KDM4C: variants seen among roughly 807,000 people sequenced by gnomAD.
KDM4C encodes the protein lysine-specific demethylase 4C.
In KDM4C, 81 loss-of-function variants were observed where a neutral mutation model predicts 129.3. The observed-to-expected ratio is 0.63, with a 90% CI of 0.52 to 0.75. The LOEUF (loss-of-function observed/expected upper bound fraction) is 0.75. Ranked by LOEUF, KDM4C falls within the 30% of genes least tolerant of loss-of-function variation. The pLI, the probability that KDM4C is intolerant of heterozygous loss-of-function variation, is 0.00. For missense variants in KDM4C, 1,457 were observed against 1,304.0 expected (o/e 1.12, Z -1.81); for synonymous variants, 573 against 456.1 (o/e 1.26, Z -3.26).
chr9:6,783,923 C>G (rs1053380759), intron 1 of KDM4C, among the ~76,000 whole-genome samples: 1 of 152,022 alleles, frequency 6.6e-6, no homozygotes, highest in Non-Finnish European at 1.5e-5. Flanking sequence ...CTGTGAGAGG[C>G]TGGGGAGAGA....
chr9:6,890,528 C>T (rs1424063968), intron 7 of KDM4C, among the ~76,000 whole-genome samples: 1 of 152,128 alleles, frequency 6.6e-6, no homozygotes, highest in East Asian at 1.9e-4. Flanking sequence ...TATATCCACT[C>T]TCTTCTCTAG....
At chr9:6,979,787 T>A (rs1201903583) in intron 8 of KDM4C, among the ~76,000 whole-genome samples, 2 of 152,120 alleles carry the variant, frequency 1.3e-5, no homozygotes, top group Non-Finnish European at 2.9e-5. Flanking sequence ...AGACAGGAGA[T>A]GCCGTAAATG....
At chr9:7,135,022 AC>A (rs1320309921) in intron 19 of KDM4C, among the ~76,000 whole-genome samples, 1 of 152,234 alleles carries the variant, frequency 6.6e-6, no homozygotes, top group Non-Finnish European at 1.5e-5. Context: ...TTTTTACATT[AC>A]AGCCTTGGAC....
At chr9:6,919,223 C>CTTTCTTTTTCT in intron 8 of KDM4C, among the ~76,000 whole-genome samples, 1 of 108,914 alleles carries the variant, frequency 9.2e-6, no homozygotes, top group Non-Finnish European at 2.1e-5. Flanking sequence ...TTTCTTTTTC[C>CTTTCTTTTTCT]TTCTTTCTTT....
intron 1 of KDM4C, among the ~76,000 whole-genome samples, chr9:6,723,228 A>G (rs1011561918): frequency 1.1e-4 from 16 of 151,932 alleles, no homozygotes; most frequent in African/African-American, 3.9e-4. Context: ...ACAAAAAGTT[A>G]GCCAGGCGTG....
chr9:6,998,316 A>G (rs1193498718), intron 12 of KDM4C, among the ~76,000 whole-genome samples: 1 of 152,200 alleles, frequency 6.6e-6, no homozygotes, highest in Non-Finnish European at 1.5e-5. Flanking sequence ...AAGAGGTGGA[A>G]TTGGAGATCT....
chr9:7,154,851 C>T (rs117702428), intron 19 of KDM4C, among the ~76,000 whole-genome samples: 4 of 152,210 alleles, frequency 2.6e-5, no homozygotes, highest in East Asian at 1.9e-4. Context: ...AGATTTCAGG[C>T]GAGTTTACAC....
chr9:6,891,734 G>C lies in KDM4C; in HGVS notation c.784-1361G>C, dbSNP rs528773781. On this transcript the variant is annotated intron_variant, in intron 7 of 21. Coordinates refer to ENST00000381309, the MANE Select transcript of KDM4C (RefSeq NM_015061.6). ...ACACTATATGTATATACAGATATTT[G>C]TCCAAAGAAACAAAATACTACAAAT... Among the ~76,000 whole-genome samples the C allele has an allele frequency of 2.0e-5, 3 of 152,096 alleles. No individual in the cohort carries two copies. The East Asian group carries it at 5.8e-4, about 29-fold the overall frequency.
At chr9:7,000,709 GTTACT>G (rs1471359903) in intron 12 of KDM4C, among the ~76,000 whole-genome samples, 2 of 152,026 alleles carry the variant, frequency 1.3e-5, no homozygotes, top group African/African-American at 4.8e-5. Context: ...ACTCAAGTGT[GTTACT>G]TTACATTTTT....
rs570041681 is a variant in KDM4C at position 6,878,898 on chromosome 9, A to G, written c.630-1114A>G. On this transcript the variant is annotated intron_variant, in intron 5 of 21. Coordinates refer to ENST00000381309, the MANE Select transcript of KDM4C (RefSeq NM_015061.6). ...GAACTGGTAAGAAGTGGCCATAAAT[A>G]TACATTGGGTGATAGTCATTTAGTT... Among the ~76,000 whole-genome samples the G allele has an allele frequency of 8.5e-5, 13 of 152,308 alleles. No homozygotes were observed. In the South Asian group the frequency reaches 2.5e-3, roughly 29 times the overall value.
intron 17 of KDM4C, among the ~76,000 whole-genome samples, chr9:7,080,564 T>C (rs930800749): frequency 6.6e-6 from 1 of 152,192 alleles, no homozygotes; most frequent in Admixed American, 6.5e-5. Flanking sequence ...ATTCAGACTT[T>C]TTCAGATAAA....
intron 8 of KDM4C, among the ~76,000 whole-genome samples, chr9:6,932,460 A>G (rs976740311): frequency 6.6e-5 from 10 of 152,158 alleles, no homozygotes; most frequent in African/African-American, 1.9e-4. Context: ...TTGAAAAACC[A>G]TACATTTGGG....
intron 4 of KDM4C, among the ~76,000 whole-genome samples, chr9:6,834,193 C>G (rs957093827): frequency 6.6e-6 from 1 of 152,064 alleles, no homozygotes; most frequent in Non-Finnish European, 1.5e-5. Context: ...CGTGCGCCAC[C>G]ATGCCCAGTT....
At chr9:7,075,193 C>T (rs1013965892) in intron 17 of KDM4C, among the ~76,000 whole-genome samples, 5 of 152,144 alleles carry the variant, frequency 3.3e-5, no homozygotes, top group East Asian at 1.9e-4. Flanking sequence ...CGGATCCCAG[C>T]GCATAATACC....
intron 6 of KDM4C, among the ~76,000 whole-genome samples, chr9:6,884,022 C>T (rs368167729): frequency 6.6e-6 from 1 of 152,094 alleles, no homozygotes; most frequent in Non-Finnish European, 1.5e-5. Flanking sequence ...AAAAAACTTG[C>T]CCATTACACA....
intron 1 of KDM4C, among the ~76,000 whole-genome samples, chr9:6,775,448 C>T (rs533805043): frequency 5.1e-4 from 77 of 152,074 alleles, no homozygotes; most frequent in African/African-American, 1.8e-3. Context: ...GTTTTTAGTT[C>T]TTATGAAAAT....
intron 4 of KDM4C, among the ~76,000 whole-genome samples, chr9:6,842,409 A>C (rs868785314): frequency 2.1e-5 from 3 of 143,050 alleles, no homozygotes; most frequent in Non-Finnish European, 4.5e-5. Context: ...ACCTCGGCTC[A>C]CTGCAACCTC....
rs1826046485 is a variant in KDM4C, at chr9:6,789,162, C to G, written c.-17-3810C>G. Among the ~76,000 whole-genome samples, 2 of 151,570 alleles carry G rather than the reference C, an allele frequency of 1.3e-5. 1 individual carries two copies. The highest frequency in any genetic ancestry group is 1.3e-4 in the Admixed American group (2 of 15,216). ...CCCCCCGGGGTGGTAAAGCAGTCCT[C>G]CCGTCTCAGCCTCCGAGTAGCTGGG... On this transcript the variant is annotated intron_variant, in intron 1 of 21. Coordinates refer to ENST00000381309, the MANE Select transcript of KDM4C (RefSeq NM_015061.6).
intron 8 of KDM4C, among the ~76,000 whole-genome samples, chr9:6,919,537 GTCTGTCTGTCTATCTATCTATCTATCTA>G (rs1160247426): frequency 7.8e-4 from 74 of 94,916 alleles, no homozygotes; most frequent in Non-Finnish European, 1.1e-3. Context: ...TCATCTGTCT[GTCTGTCTGTCTATCTATCTATCTATCTA>G]TCTATCTATC....
Sources: allele counts gnomAD v4.1 joint callset (sites outside exome capture counted in the v4.1 genomes callset), GRCh38; gene constraint gnomAD v4.1.1; transcripts MANE v1.5; gene names NCBI Gene and HGNC (gene_info 2026-07-23, HGNC 2026-07-21).